The following BMERB1 variants were observed in gnomAD, a reference collection of about 807,000 sequenced individuals.
The protein encoded by BMERB1 is bMERB domain-containing protein 1.
A neutral mutation model predicts 23.6 loss-of-function variants in BMERB1; 12 were observed. That is an observed-to-expected ratio of 0.51 (90% confidence interval 0.33 to 0.82). The LOEUF (loss-of-function observed/expected upper bound fraction) is 0.82, where lower values mean the gene tolerates loss of function less well. BMERB1 is among the 40% of genes least tolerant of loss of function. BMERB1 has a pLI of 0.03. For synonymous variants in BMERB1, 122 were observed against 96.6 expected, an observed-to-expected ratio of 1.26 and a Z score of -1.54; for missense variants, 247 against 255.4, an observed-to-expected ratio of 0.97 and a Z score of 0.22.
rs146205303 is a variant in BMERB1, at chr16:15,466,229, A to G, written c.106+31470A>G. 1.5e-4 allele frequency among the ~76,000 whole-genome samples: 23 copies of G among 152,288 alleles called. No homozygotes were observed. The East Asian group carries it at 4.1e-3, about 27-fold the overall frequency. On this transcript the variant is annotated intron_variant, in intron 1 of 5. Transcript: ENST00000300006. ...GTGGTAATAATCACCATTTCCTTAT[A>G]TTTTCACCAGCCAACCTGATCTTTC...
At position 15,581,258 on chromosome 16, in the gene BMERB1, C is replaced by A; in HGVS notation, c.346C>A (p.Leu116Ile). Reference protein sequence around the residue: ...TKLQKQREDELIQKIHKLVQK... With the variant: ...TKLQKQREDEIIQKIHKLVQK... ...ACTGCAGAAGCAGAGAGAGGATGAG[C>A]TAATCCAGAAGATCCACAAACTGGT... The change falls in exon 4 of 6, where the codon CTA (leucine) becomes ATA (isoleucine). Residue 116 changes from leucine (L) to isoleucine (I), a missense_variant. Coordinates refer to ENST00000300006, the MANE Select transcript of BMERB1 (RefSeq NM_033201.3). 6.2e-7 allele frequency: 1 copy of A among 1,614,018 alleles called. No homozygotes were observed.
chr16:15,516,328 G>A (rs2051754589), intron 2 of BMERB1, among the ~76,000 whole-genome samples: 1 of 152,112 alleles, frequency 6.6e-6, no homozygotes, highest in South Asian at 2.1e-4. Flanking sequence ...GATGAGGTGG[G>A]GGGATCGGTT....
intron 2 of BMERB1, among the ~76,000 whole-genome samples, chr16:15,538,065 C>A (rs987884348): frequency 6.6e-6 from 1 of 152,194 alleles, no homozygotes; most frequent in African/African-American, 2.4e-5. Flanking sequence ...CCTTTGAAAG[C>A]AACACTTTGG....
At chr16:15,456,421 C>G (rs914844846) in intron 1 of BMERB1, among the ~76,000 whole-genome samples, 12 of 151,764 alleles carry the variant, frequency 7.9e-5, no homozygotes, top group African/African-American at 2.9e-4. Flanking sequence ...ACTGCAACCT[C>G]TGCCTCCCAG....
At chr16:15,538,177 A>G (rs557856440) in intron 2 of BMERB1, among the ~76,000 whole-genome samples, 3 of 152,156 alleles carry the variant, frequency 2.0e-5, no homozygotes, top group Non-Finnish European at 4.4e-5. Context: ...GATGGGCCGG[A>G]TGCGTTGGCT....
chr16:15,548,382 A>G (rs891844285), intron 2 of BMERB1, among the ~76,000 whole-genome samples: 2 of 152,152 alleles, frequency 1.3e-5, no homozygotes, highest in Admixed American at 1.3e-4. Context: ...CTTCTCTTCT[A>G]AGTAAACGTT....
chr16:15,532,609 G>A (rs553018785), intron 2 of BMERB1, among the ~76,000 whole-genome samples: 19 of 132,864 alleles, frequency 1.4e-4, no homozygotes, highest in East Asian at 2.3e-4. Flanking sequence ...GCAGTGGCAC[G>A]ATCTCGGCTC....
At chr16:15,524,911 G>A (rs1598495213) in intron 2 of BMERB1, among the ~76,000 whole-genome samples, 1 of 152,304 alleles carries the variant, frequency 6.6e-6, no homozygotes. Flanking sequence ...ATTACATTCT[G>A]CTCAGAGGAC....
intron 1 of BMERB1, among the ~76,000 whole-genome samples, chr16:15,476,826 A>C (rs2051278829): frequency 6.6e-6 from 1 of 152,050 alleles, no homozygotes; most frequent in East Asian, 1.9e-4. Context: ...TCAGCTTCCC[A>C]CTCATTCCCA....
intron 2 of BMERB1, among the ~76,000 whole-genome samples, chr16:15,546,044 T>G (rs1231551175): frequency 2.6e-5 from 4 of 152,040 alleles, no homozygotes; most frequent in Non-Finnish European, 5.9e-5. Flanking sequence ...CCCAACAATT[T>G]GGGAAGCCGA....
chr16:15,489,872 T>C (rs1426087698), intron 1 of BMERB1, among the ~76,000 whole-genome samples: 1 of 152,140 alleles, frequency 6.6e-6, no homozygotes, highest in Admixed American at 6.6e-5. Flanking sequence ...CCAGATCCAA[T>C]ATCTTTTTTT....
At chr16:15,529,339 A>G (rs942825529) in intron 2 of BMERB1, among the ~76,000 whole-genome samples, 1 of 152,046 alleles carries the variant, frequency 6.6e-6, no homozygotes, top group Non-Finnish European at 1.5e-5. Flanking sequence ...TTTGTTGTTT[A>G]TAAGCCACCT....
rs959962171 is a variant in BMERB1 at position 15,540,378 on chromosome 16, T to G, written c.230+24950T>G. Among the ~76,000 whole-genome samples, 9 of 151,832 alleles carry G rather than the reference T, an allele frequency of 5.9e-5. No homozygotes were observed. The South Asian group carries it at 1.5e-3, about 25-fold the overall frequency. On this transcript the variant is annotated intron_variant, in intron 2 of 5. Coordinates refer to ENST00000300006, the MANE Select transcript of BMERB1 (RefSeq NM_033201.3). ...CCGTCTCTACTAAAAATACAAAAAT[T>G]AGCGGCTCTCGGTGGCATGCACCTA...
intron 3 of BMERB1, among the ~76,000 whole-genome samples, chr16:15,574,416 G>C (rs758584157): frequency 6.6e-6 from 1 of 151,992 alleles, no homozygotes; most frequent in Non-Finnish European, 1.5e-5. Context: ...AGTTTGTTTT[G>C]GGAAAAGGCT....
intron 3 of BMERB1, among the ~76,000 whole-genome samples, chr16:15,578,061 T>TG (rs573543185): frequency 3.9e-5 from 6 of 152,184 alleles, no homozygotes; most frequent in Non-Finnish European, 8.8e-5. Context: ...TGGCATTCCT[T>TG]GGGGGGGAAA....
chr16:15,585,765 G>A (rs1339974359), intron 5 of BMERB1, among the ~76,000 whole-genome samples: 1 of 152,064 alleles, frequency 6.6e-6, no homozygotes, highest in Non-Finnish European at 1.5e-5. Context: ...GGATGCGGAG[G>A]TTGCAGTGAG....
chr16:15,583,184 G>A lies in BMERB1; in HGVS notation c.448G>A (p.Asp150Asn). 4.3e-6 allele frequency: 7 copies of A among 1,613,712 alleles called. No homozygotes were observed. Among genetic ancestry groups the A allele is most frequent in the Non-Finnish European group, 5.9e-6 (7 of 1,179,654 alleles). Residue 150 changes from aspartate to asparagine, a missense_variant, in exon 5 of 6, where the codon GAT becomes AAT. Transcript: ENST00000300006. ...REQEEDKEMA[D>N]FLRIKLKPLD... Reference sequence around the variant, plus strand: ...GCAAGAAGAAGACAAGGAAATGGCTGATTTCCTGAGAATCAAGTTAAAACC... The same window carrying A: ...GCAAGAAGAAGACAAGGAAATGGCTAATTTCCTGAGAATCAAGTTAAAACC...
At chr16:15,471,089 G>A (rs548726355) in intron 1 of BMERB1, among the ~76,000 whole-genome samples, 19 of 151,818 alleles carry the variant, frequency 1.3e-4, no homozygotes, top group African/African-American at 3.9e-4. Context: ...CTCCTGCCTC[G>A]GCCTCCCAAA....
intron 1 of BMERB1, among the ~76,000 whole-genome samples, chr16:15,486,524 A>C (rs2051370252): frequency 1.3e-5 from 2 of 152,190 alleles, no homozygotes; most frequent in Non-Finnish European, 2.9e-5. Context: ...CCAAAAGCTC[A>C]GGGAAGGAGC....
Sources: gnomAD v4.1 joint callset for allele counts (sites outside exome capture counted in the v4.1 genomes callset) on GRCh38, gnomAD v4.1.1 for gene constraint, MANE v1.5 for transcripts, NCBI Gene and HGNC (gene_info 2026-07-23, HGNC 2026-07-21) for gene names.